BRIP1: variants seen among roughly 807,000 people sequenced by gnomAD.
The protein encoded by BRIP1 is Fanconi anemia group J protein.
A neutral mutation model predicts 119.7 loss-of-function variants in BRIP1; 88 were observed. The observed-to-expected ratio is 0.74, with a 90% confidence interval of 0.62 to 0.88. The LOEUF (loss-of-function observed/expected upper bound fraction) is 0.88. Among genes scored for constraint, BRIP1 ranks in the 40% least tolerant of loss-of-function variants. The pLI, the probability that BRIP1 is intolerant of heterozygous loss-of-function variation, is 0.00. For missense variants in BRIP1, 1,259 were observed against 1,455.4 expected, an observed-to-expected ratio of 0.87 and a Z score of 2.20; for synonymous variants, 443 against 496.5, an observed-to-expected ratio of 0.89 and a Z score of 1.43.
intron 10 of BRIP1, among the ~76,000 whole-genome samples, chr17:61,785,675 G>T (rs1483399527): frequency 1.3e-5 from 2 of 152,084 alleles, no homozygotes; most frequent in Admixed American, 1.3e-4. Context: ...GCCCTGCAAT[G>T]AAATACAAAT....
rs1324040389 is a variant in BRIP1, at chr17:61,708,542, G to A, written c.2492+7409C>T. Among the ~76,000 whole-genome samples, 1 of 152,174 alleles carries A rather than the reference G, an allele frequency of 6.6e-6. No individual in the cohort carries two copies. Among genetic ancestry groups the A allele is most frequent in the Non-Finnish European group, 1.5e-5 (1 of 68,036 alleles). On this transcript the variant is annotated intron_variant, in intron 17 of 19. Transcript: ENST00000259008. This position sits in a 1 kb window ranked among gnomAD's most constrained non-coding sequence, Gnocchi z 4.4. ...GTCTGGCCCTTTATAGAAAACACTG[G>A]CCAATCCTTGTTCTAGTCTGTTGTG...
In BRIP1 at chr17:61,770,920, A is replaced by C. The variant is rs2077438842; in HGVS notation, c.2097+5481T>G. 6.6e-6 allele frequency among the ~76,000 whole-genome samples: 1 copy of C among 152,180 alleles called. No homozygotes were observed. The highest frequency in any genetic ancestry group is 6.6e-5 in the Admixed American group (1 of 15,266). On this transcript the variant is annotated intron_variant, in intron 14 of 19. Coordinates refer to ENST00000259008, the MANE Select transcript of BRIP1 (RefSeq NM_032043.3). The surrounding 1 kb of genome is among the most constrained non-coding windows in gnomAD (Gnocchi z 4.7). ...AAACAGCAAAGTGGCATTTGTAAAC[A>C]CTACCTTAGCACTAATTACATTAAA...
Position 61,687,402 on chromosome 17 carries a change from C to G in BRIP1, c.2576-1237G>C, listed in dbSNP as rs1224687181. On this transcript the variant is annotated intron_variant, in intron 18 of 19. Coordinates refer to ENST00000259008, the MANE Select transcript of BRIP1 (RefSeq NM_032043.3). This position sits in a 1 kb window ranked among gnomAD's most constrained non-coding sequence, Gnocchi z 5.1. ...TCCACCTGCTGACTAGACACCAGCA[C>G]TTAGCATTTTTGCCTTTAGTTACTG... 3.3e-5 allele frequency among the ~76,000 whole-genome samples: 5 copies of G among 152,006 alleles called. No individual in the cohort carries two copies. Among genetic ancestry groups the G allele is most frequent in the African/African-American group, 1.2e-4 (5 of 41,294 alleles).
chr17:61,695,420 T>G lies in BRIP1; in HGVS notation c.2493-1908A>C, dbSNP rs2099960682. On this transcript the variant is annotated intron_variant, in intron 17 of 19. Coordinates refer to ENST00000259008, the MANE Select transcript of BRIP1 (RefSeq NM_032043.3). This position sits in a 1 kb window ranked among gnomAD's most constrained non-coding sequence, Gnocchi z 4.3. The stretch of plus-strand genomic sequence containing the variant: ...TAGTAAGTTTGAAATAGAAAACTGT[T>G]TGTTCTCCTAGTATGTTCTTCTTTT... 1.3e-5 allele frequency among the ~76,000 whole-genome samples: 2 copies of G among 152,240 alleles called. No homozygotes were observed. The highest frequency in any genetic ancestry group is 2.9e-5 in the Non-Finnish European group (2 of 67,970).
At chr17:61,712,826 C>T (rs369660442) in intron 17 of BRIP1, among the ~76,000 whole-genome samples, 7 of 150,872 alleles carry the variant, frequency 4.6e-5, no homozygotes, top group African/African-American at 9.8e-5. Context: ...ATTGCTTGAA[C>T]GCAGGAGGCA....
At position 61,727,790 on chromosome 17, in the gene BRIP1, C is replaced by CTA. The variant is rs10567143; in HGVS notation, c.2380-11729_2380-11728dup. Reference sequence around the variant, plus strand: ...TGTCTGTCTCTCTCTCTCTCTCTCTCTATATATATATATATAATCTTTCAA... The same window carrying CTA: ...TGTCTGTCTCTCTCTCTCTCTCTCTCTATATATATATATATATAATCTTTCAA... On this transcript the variant is annotated intron_variant, in intron 16 of 19. Coordinates refer to ENST00000259008, the MANE Select transcript of BRIP1 (RefSeq NM_032043.3). Among the ~76,000 whole-genome samples the CTA allele has an allele frequency of 2.0e-3, 269 of 131,298 alleles. 2 individuals carry two copies. The East Asian group carries it at 0.023, about 11-fold the overall frequency. The allele number at this position is 131,298 out of a possible 152,430, so 86.1% of individuals were successfully genotyped here. A position where few individuals can be genotyped will look rare whatever the true frequency, so the allele number is the denominator to read the frequency against.
intron 17 of BRIP1, among the ~76,000 whole-genome samples, chr17:61,715,582 G>C (rs2061847395): frequency 6.6e-6 from 1 of 152,150 alleles, no homozygotes; most frequent in African/African-American, 2.4e-5. Flanking sequence ...TTTTGGGGGA[G>C]GTGAGGAGAG....
chr17:61,724,999 G>A lies in BRIP1; in HGVS notation c.2380-8936C>T, dbSNP rs1385046289. On this transcript the variant is annotated intron_variant, in intron 16 of 19. Coordinates refer to ENST00000259008, the MANE Select transcript of BRIP1 (RefSeq NM_032043.3). The surrounding 1 kb of genome is among the most constrained non-coding windows in gnomAD (Gnocchi z 5.1). ...AGGGTATCACAATATAAATTCCAAT[G>A]GTTAGAATTATAAACTCAGCATAAG... Among the ~76,000 whole-genome samples the A allele has an allele frequency of 6.6e-6, 1 of 152,038 alleles. No homozygotes were observed. The highest frequency in any genetic ancestry group is 2.4e-5 in the African/African-American group (1 of 41,412).
At chr17:61,784,576 G>A in intron 10 of BRIP1, 152 bp from the exon 11 acceptor site, 1 of 767,292 alleles carries the variant, frequency 1.3e-6, no homozygotes, top group Non-Finnish European at 2.1e-6. Context: ...CTCCAAATCT[G>A]ATATTGAAAT....
At chr17:61,766,297 G>A (rs1423507379) in intron 14 of BRIP1, among the ~76,000 whole-genome samples, 1 of 151,994 alleles carries the variant, frequency 6.6e-6, no homozygotes, top group Non-Finnish European at 1.5e-5. Flanking sequence ...ACAAACAAAG[G>A]AATACTTTTT....
Position 61,689,792 on chromosome 17 carries a change from C to T in BRIP1, c.2576-3627G>A, listed in dbSNP as rs934753676. ...TTGGGAGGCAGAGGTAGGAGAATTG[C>T]TTGAGCCGAGGAGTTTGAGATTAGC... On this transcript the variant is annotated intron_variant, in intron 18 of 19. Coordinates refer to ENST00000259008, the MANE Select transcript of BRIP1 (RefSeq NM_032043.3). This position sits in a 1 kb window ranked among gnomAD's most constrained non-coding sequence, Gnocchi z 4.5. 1.3e-5 allele frequency among the ~76,000 whole-genome samples: 2 copies of T among 152,162 alleles called. No homozygotes were observed. Among genetic ancestry groups the T allele is most frequent in the Non-Finnish European group, 2.9e-5 (2 of 68,028 alleles).
chr17:61,801,195 T>G, intron 8 of BRIP1, 58 bp downstream of exon 8: 1 of 1,494,424 alleles, frequency 6.7e-7, no homozygotes, highest in Admixed American at 1.7e-5. Flanking sequence ...GCTTTTACAT[T>G]CAACATTTAC....
In BRIP1 at chr17:61,806,223, C is replaced by T; in HGVS notation, c.918+2244G>A. 6.6e-6 allele frequency among the ~76,000 whole-genome samples: 1 copy of T among 152,182 alleles called. No homozygotes were observed. The highest frequency in any genetic ancestry group is 1.5e-5 in the Non-Finnish European group (1 of 68,024). ...AGTGTTATCACACTTTAAACACTTCCATTCAAACTGTCAGTTATCTATTTA... is the reference window on the plus strand; with the variant it reads ...AGTGTTATCACACTTTAAACACTTCTATTCAAACTGTCAGTTATCTATTTA... On this transcript the variant is annotated intron_variant, in intron 7 of 19. Transcript: ENST00000259008. The surrounding 1 kb of genome is among the most constrained non-coding windows in gnomAD (Gnocchi z 4.9).
At position 61,804,410 on chromosome 17, in the gene BRIP1, ATGTGTGTGTGTGTGTGTGTG is replaced by A. The variant is rs71153405; in HGVS notation, c.919-2956_919-2937del. On this transcript the variant is annotated intron_variant, in intron 7 of 19. Transcript: ENST00000259008. The surrounding 1 kb of genome is among the most constrained non-coding windows in gnomAD (Gnocchi z 4.5). The stretch of plus-strand genomic sequence containing the variant: ...AAGACTTTGAGGCAGCTATATACAT[ATGTGTGTGTGTGTGTGTGTG>A]TGTGTGTGTGTGTGTGTATGTGTGT... Among the ~76,000 whole-genome samples the A allele has an allele frequency of 2.6e-3, 328 of 125,510 alleles. 1 individual carries two copies. The highest frequency in any genetic ancestry group is 0.01 in the African/African-American group (302 of 30,178). The allele number at this position is 125,510 out of a possible 152,430, so 82.3% of individuals were successfully genotyped here. A position where few individuals can be genotyped will look rare whatever the true frequency, so the allele number is the denominator to read the frequency against.
In BRIP1 at chr17:61,703,253, G is replaced by A. The variant is rs1332800895; in HGVS notation, c.2493-9741C>T. Among the ~76,000 whole-genome samples the A allele has an allele frequency of 1.3e-5, 2 of 152,176 alleles. No homozygotes were observed. The highest frequency in any genetic ancestry group is 4.2e-4 in the South Asian group (2 of 4,816). On this transcript the variant is annotated intron_variant, in intron 17 of 19. Coordinates refer to ENST00000259008, the MANE Select transcript of BRIP1 (RefSeq NM_032043.3). The surrounding 1 kb of genome is among the most constrained non-coding windows in gnomAD (Gnocchi z 5.0). ...TAATTTTTGTATTTTTAGTAGAGATGGGGTTTTGCCATGTTGGGCAGAGTG... is the reference window on the plus strand; with the variant it reads ...TAATTTTTGTATTTTTAGTAGAGATAGGGTTTTGCCATGTTGGGCAGAGTG...
rs999272004 is a variant in BRIP1, at chr17:61,816,870, A to G, written c.628-8113T>C. On this transcript the variant is annotated intron_variant, in intron 6 of 19. Transcript: ENST00000259008. This position sits in a 1 kb window ranked among gnomAD's most constrained non-coding sequence, Gnocchi z 5.0. Reference sequence around the variant, plus strand: ...ATTGTAAATAAAATGATAGAATTTTAAAAATCACCATTTTGCAACTTTCCT... The same window carrying G: ...ATTGTAAATAAAATGATAGAATTTTGAAAATCACCATTTTGCAACTTTCCT... 6.6e-6 allele frequency among the ~76,000 whole-genome samples: 1 copy of G among 152,238 alleles called. No individual in the cohort carries two copies. The highest frequency in any genetic ancestry group is 1.9e-4 in the East Asian group (1 of 5,202).
Position 61,828,369 on chromosome 17 carries a change from G to A in BRIP1, c.627+18732C>T, listed in dbSNP as rs186315046. ...CTAGAGTAGTCAAATTCATAGAGAC[G>A]GAAAGGAGAACGGCATTTTTCCTGG... On this transcript the variant is annotated intron_variant, in intron 6 of 19. Transcript: ENST00000259008. This position sits in a 1 kb window ranked among gnomAD's most constrained non-coding sequence, Gnocchi z 4.1. Among the ~76,000 whole-genome samples the A allele has an allele frequency of 1.3e-3, 191 of 152,152 alleles. 3 individuals carry two copies. In the South Asian group the frequency reaches 0.024, roughly 19 times the overall value.
In BRIP1 at chr17:61,810,351, T is replaced by C. The variant is rs1300735857; in HGVS notation, c.628-1594A>G. ...CAACAATTTACGGTCACAGAGAAAA[T>C]GGAATGCAAATTATATCATGATATT... On this transcript the variant is annotated intron_variant, in intron 6 of 19. Transcript: ENST00000259008. The surrounding 1 kb of genome is among the most constrained non-coding windows in gnomAD (Gnocchi z 4.7). 1.3e-5 allele frequency among the ~76,000 whole-genome samples: 2 copies of C among 152,276 alleles called. No homozygotes were observed. Among genetic ancestry groups the C allele is most frequent in the East Asian group, 1.9e-4 (1 of 5,194 alleles).
rs78730219 is a variant in BRIP1, at chr17:61,705,801, T to A, written c.2492+10150A>T. Among the ~76,000 whole-genome samples the A allele has an allele frequency of 3.3e-5, 5 of 152,300 alleles. No individual in the cohort carries two copies. In the East Asian group the frequency reaches 7.7e-4, roughly 24 times the overall value. ...TTCTAATTTTACTTGAAACTTGCTG[T>A]TTTGCCTGTGGATTATTTAGAAATA... On this transcript the variant is annotated intron_variant, in intron 17 of 19. Coordinates refer to ENST00000259008, the MANE Select transcript of BRIP1 (RefSeq NM_032043.3). This position sits in a 1 kb window ranked among gnomAD's most constrained non-coding sequence, Gnocchi z 5.0.
Sources: allele counts gnomAD v4.1 joint callset (sites outside exome capture counted in the v4.1 genomes callset), GRCh38; gene constraint gnomAD v4.1.1; non-coding constraint Gnocchi (gnomAD v3.1); transcripts MANE v1.5; gene names NCBI Gene and HGNC (gene_info 2026-07-23, HGNC 2026-07-21).